ING5: variants seen among roughly 807,000 people sequenced by gnomAD.
The protein encoded by ING5 is inhibitor of growth protein 5.
Under a neutral mutation model 37.4 loss-of-function variants are expected in ING5, and 17 were observed. The observed-to-expected ratio is 0.45, with a 90% confidence interval of 0.31 to 0.68. The LOEUF is 0.68. ING5 is among the 30% of genes least tolerant of loss of function. The probability of loss-of-function intolerance (pLI) is 0.05; values close to 1 mark genes in which losing one functional copy is unlikely to be tolerated. For missense variants in ING5, 233 were observed against 311.9 expected, an observed-to-expected ratio of 0.75 and a Z score of 1.91; for synonymous variants, 123 against 116.6, an observed-to-expected ratio of 1.06 and a Z score of -0.36.
chr2:241,709,561 T>TG (rs1418885048), intron 3 of ING5, among the ~76,000 whole-genome samples, 179 bp downstream of exon 3: 2 of 149,438 alleles, frequency 1.3e-5, no homozygotes, highest in African/African-American at 4.9e-5. Context: ...CCCTGTTTTT[T>TG]TTTTTTTTTT....
rs1362070040 is a variant in ING5 at position 241,712,052 on chromosome 2, A to G, written c.463A>G (p.Lys155Glu). ...RRTSEEDTPK[K>E]KKHKGGSEFT... Reference sequence around the variant, plus strand: ...GACATCAGAGGAAGACACACCAAAGAAAAAGAAGCACAAAGGAGGGTAAGA... The same window carrying G: ...GACATCAGAGGAAGACACACCAAAGGAAAAGAAGCACAAAGGAGGGTAAGA... Residue 155 changes from lysine (K) to glutamate (E), a missense_variant, in exon 5 of 8, where the codon AAA (lysine) becomes GAA (glutamate). Coordinates refer to ENST00000313552, the MANE Select transcript of ING5 (RefSeq NM_032329.6). The G allele has an allele frequency of 6.2e-7, 1 of 1,611,218 alleles. No individual in the cohort carries two copies. The highest frequency in any genetic ancestry group is 8.5e-7 in the Non-Finnish European group (1 of 1,178,670).
rs2070026396 is a variant in ING5, at chr2:241,709,247, A to G, written c.141A>G (p.Ala47=). 1 of 1,613,350 alleles carries G rather than the reference A, an allele frequency of 6.2e-7. No individual in the cohort carries two copies. The highest frequency in any genetic ancestry group is 8.5e-7 in the Non-Finnish European group (1 of 1,179,782). ...DKKAEIDILA[A]EYISTVKTLS... is the part of the protein sequence containing the mutation. ...AAGCAGAGATTGACATCCTGGCTGC[A>G]GAGTACATCTCCACGGTGAAGACGC... Residue 47 remains alanine (A), a synonymous_variant, in exon 3 of 8, where the codon GCA becomes GCG. Coordinates refer to ENST00000313552, the MANE Select transcript of ING5 (RefSeq NM_032329.6).
At chr2:241,715,283 C>G (rs1186462270) in intron 5 of ING5, among the ~76,000 whole-genome samples, 2 of 151,976 alleles carry the variant, frequency 1.3e-5, no homozygotes, top group African/African-American at 4.8e-5. Flanking sequence ...CAGCCTCCAC[C>G]TCCTGGGCTC....
chr2:241,717,357 C>T (rs538792138), intron 5 of ING5, among the ~76,000 whole-genome samples: 1 of 152,294 alleles, frequency 6.6e-6, no homozygotes, highest in East Asian at 1.9e-4. Context: ...AGGCATGAGC[C>T]ACCGCGCCTG....
rs568590580 is a variant in ING5, at chr2:241,705,684, G to T, written c.109+960G>T. On this transcript the variant is annotated intron_variant, in intron 2 of 7. Coordinates refer to ENST00000313552, the MANE Select transcript of ING5 (RefSeq NM_032329.6). Reference sequence around the variant, plus strand: ...GCCTCCCAAAGTGCTGGGATTACAGGCATGAGCCACCGCGCCCGGCCCTTA... The same window carrying T: ...GCCTCCCAAAGTGCTGGGATTACAGTCATGAGCCACCGCGCCCGGCCCTTA... Among the ~76,000 whole-genome samples the T allele has an allele frequency of 9.9e-4, 151 of 152,270 alleles. 1 individual carries two copies. The highest frequency in any genetic ancestry group is 3.3e-3 in the African/African-American group (139 of 41,548).
intron 6 of ING5, 48 bp downstream of exon 6, chr2:241,723,122 G>A (rs766469187): frequency 1.2e-6 from 2 of 1,614,092 alleles, no homozygotes; most frequent in East Asian, 4.5e-5. Flanking sequence ...GTCTTGTGTG[G>A]GGCAGGGCTG....
At chr2:241,702,001 GCCCCGCCCCCGCCTC>G (rs1162963808), upstream of ING5, 15 of 1,225,652 alleles carry the variant, frequency 1.2e-5, 1 homozygote, top group Admixed American at 4.6e-4. Context: ...CGCTGGCACC[GCCCCGCCCCCGCCTC>G]CCGCGGCACC....
At chr2:241,720,811 C>A (rs2070412279) in intron 5 of ING5, 2 of 985,562 alleles carry the variant, frequency 2.0e-6, no homozygotes, top group Non-Finnish European at 1.2e-6. Flanking sequence ...GGACAGGGCT[C>A]CCCATGGCCT....
chr2:241,691,162 G>C lies in ING5; in HGVS notation c.43+509G>C, dbSNP rs138096427. 9.8e-4 allele frequency among the ~76,000 whole-genome samples: 149 copies of C among 151,890 alleles called. 1 individual carries two copies. Among genetic ancestry groups the C allele is most frequent in the African/African-American group, 3.3e-3 (137 of 41,424 alleles). On this transcript the variant is annotated intron_variant, in intron 2 of 7. Coordinates refer to the ING5 transcript ENST00000636051. ...TTTTCCATTTAAAAAAAAGGACCTG[G>C]GTGTTGTGGCTGACACCTGTAATCC...
Position 241,725,313 on chromosome 2 carries a change from C to A in ING5, c.*282C>A. The A allele has an allele frequency of 2.2e-6, 1 of 451,632 alleles. No individual in the cohort carries two copies. The highest frequency in any genetic ancestry group is 4.1e-6 in the Non-Finnish European group (1 of 245,860). 28.0% of individuals were successfully genotyped at this position (451,632 alleles called of 1,614,324 possible). A position where few individuals can be genotyped will look rare whatever the true frequency, so the allele number is the denominator to read the frequency against. The stretch of plus-strand genomic sequence containing the variant: ...GGACGTGGGCGGGCGCGCGTGAGCT[C>A]GGGCTGCCCGGCCGGGCGTGCGGGC... On this transcript the variant is annotated 3_prime_UTR_variant, in exon 8 of 8. Coordinates refer to ENST00000313552, the MANE Select transcript of ING5 (RefSeq NM_032329.6).
At position 241,722,987 on chromosome 2, in the gene ING5, G is replaced by A. The variant is rs774491269; in HGVS notation, c.531G>A (p.Leu177=). 1 of 1,614,206 alleles carries A rather than the reference G, an allele frequency of 6.2e-7. No homozygotes were observed. Among genetic ancestry groups the A allele is most frequent in the South Asian group, 1.1e-5 (1 of 91,084 alleles). Residue 177 remains leucine (L), a synonymous_variant, in exon 6 of 8, where the codon CTG becomes CTA. Transcript: ENST00000313552. The part of the protein sequence containing the change: ...TILSVHPSDV[L]DMPVDPNEPT... ...TGTCCGTGCACCCCTCTGATGTGCT[G>A]GACATGCCCGTGGACCCAAACGAAC...
chr2:241,714,033 T>C (rs142718122), intron 5 of ING5, among the ~76,000 whole-genome samples: 4,731 of 151,400 alleles, frequency 0.031, 118 homozygotes, highest in Middle Eastern at 0.12. Context: ...TGTAAAGTAG[T>C]GCACAGATAC....
chr2:241,711,503 T>G lies in ING5; in HGVS notation c.388+15T>G. ...AGGGTTAAAAAGCAAGTCTGTTAAT[T>G]TTTTTTCTTTATTTTATTACTGTTA... On this transcript the variant is annotated intron_variant, in intron 4 of 7. Transcript: ENST00000313552. 6.4e-7 allele frequency: 1 copy of G among 1,558,028 alleles called. No individual in the cohort carries two copies. Among genetic ancestry groups the G allele is most frequent in the South Asian group, 1.2e-5 (1 of 85,626 alleles).
At chr2:241,711,732 C>T in intron 4 of ING5, 2 of 568,032 alleles carry the variant, frequency 3.5e-6, no homozygotes, top group Non-Finnish European at 3.1e-6. Flanking sequence ...GAGACCTCAT[C>T]TCAACAAAAA....
At chr2:241,701,210 C>A (rs74644089), upstream of ING5, among the ~76,000 whole-genome samples, 1 of 151,370 alleles carries the variant, frequency 6.6e-6, no homozygotes, top group Non-Finnish European at 1.5e-5. Flanking sequence ...GTGATCCGCC[C>A]GCCTCGGCCT....
At chr2:241,711,012 G>C (rs1233226583) in intron 3 of ING5, among the ~76,000 whole-genome samples, 1 of 152,186 alleles carries the variant, frequency 6.6e-6, no homozygotes, top group Non-Finnish European at 1.5e-5. Context: ...ACCTCCCAAA[G>C]TGCTGGGATT....
At chr2:241,722,194 C>T in intron 5 of ING5, 1 of 985,362 alleles carries the variant, frequency 1.0e-6, no homozygotes, top group Non-Finnish European at 1.2e-6. Flanking sequence ...TGCTCTGACA[C>T]CTGTCAGTCT....
intron 1 of ING5, among the ~76,000 whole-genome samples, chr2:241,704,322 C>T (rs1456607025): frequency 6.6e-6 from 1 of 152,158 alleles, no homozygotes; most frequent in Non-Finnish European, 1.5e-5. Flanking sequence ...AATCCCAGCA[C>T]TTTGAGAGGC....
intron 5 of ING5, among the ~76,000 whole-genome samples, chr2:241,718,933 GA>G (rs1395448958): frequency 6.6e-6 from 1 of 152,184 alleles, no homozygotes; most frequent in African/African-American, 2.4e-5. Flanking sequence ...CATGTCTCAT[GA>G]TTTATTAGCT....
Sources: gnomAD v4.1 joint callset for allele counts (sites outside exome capture counted in the v4.1 genomes callset) on GRCh38, gnomAD v4.1.1 for gene constraint, MANE v1.5 for transcripts, NCBI Gene and HGNC (gene_info 2026-07-23, HGNC 2026-07-21) for gene names.